MALRD1: variants seen among roughly 807,000 people sequenced by gnomAD.
MALRD1 encodes MAM and LDL receptor class A domain containing 1.
A neutral mutation model predicts 242.1 loss-of-function variants in MALRD1; 247 were observed. That is an observed-to-expected ratio of 1.02 (90% CI 0.92 to 1.13). The LOEUF (loss-of-function observed/expected upper bound fraction) is 1.13. MALRD1 is among the 50% of genes most tolerant of loss of function. MALRD1 has a pLI of 0.00. For missense variants in MALRD1, 2,989 were observed against 2,533.1 expected, an observed-to-expected ratio of 1.18 and a Z score of -3.86; for synonymous variants, 995 against 866.6, an observed-to-expected ratio of 1.15 and a Z score of -2.60.
chr10:19,534,608 T>C (rs1484307929), intron 32 of MALRD1, among the ~76,000 whole-genome samples: 2 of 152,088 alleles, frequency 1.3e-5, no homozygotes, highest in Non-Finnish European at 2.9e-5. Flanking sequence ...AAAAAACAAG[T>C]CCTTTTTCCC....
At chr10:19,157,235 T>C (rs746685271) in intron 12 of MALRD1, among the ~76,000 whole-genome samples, 11 of 151,840 alleles carry the variant, frequency 7.2e-5, no homozygotes, top group Non-Finnish European at 1.3e-4. Flanking sequence ...TTTAATAAGT[T>C]TGTGGCAATA....
chr10:19,652,666 C>T (rs917992268), intron 36 of MALRD1, among the ~76,000 whole-genome samples: 2 of 152,094 alleles, frequency 1.3e-5, no homozygotes, highest in African/African-American at 4.8e-5. Flanking sequence ...CACCTGTAAC[C>T]CCAACACCTA....
intron 9 of MALRD1, among the ~76,000 whole-genome samples, chr10:19,134,725 TAAACA>T (rs1338143177): frequency 6.6e-6 from 1 of 152,220 alleles, no homozygotes; most frequent in Non-Finnish European, 1.5e-5. Flanking sequence ...TCTCAGGTAC[TAAACA>T]AGTTTCTTTT....
rs558305830 is a variant in MALRD1 at position 19,450,491 on chromosome 10, G to T, written c.5029+1G>T. On this transcript the variant is annotated splice_donor_variant, in intron 29 of 39. Transcript: ENST00000454679. LOFTEE classifies it high-confidence loss of function. Reference sequence around the variant, plus strand: ...ATTGAATTTAAAAACTGCACAACTGGTAAGTTTCCAGAAAGCACTTCCATT... The same window carrying T: ...ATTGAATTTAAAAACTGCACAACTGTTAAGTTTCCAGAAAGCACTTCCATT... 3 of 1,540,150 alleles carry T rather than the reference G, an allele frequency of 1.9e-6. No homozygotes were observed. The highest frequency in any genetic ancestry group is 2.4e-5 in the South Asian group (2 of 81,898).
chr10:19,731,518 G>A lies in MALRD1; in HGVS notation c.6390+737G>A, dbSNP rs972938454. Among the ~76,000 whole-genome samples, 3 of 151,928 alleles carry A rather than the reference G, an allele frequency of 2.0e-5. 1 individual carries two copies. Among genetic ancestry groups the A allele is most frequent in the South Asian group, 4.1e-4 (2 of 4,822 alleles). On this transcript the variant is annotated intron_variant, in intron 39 of 39. Coordinates refer to ENST00000454679, the MANE Select transcript of MALRD1 (RefSeq NM_001142308.3). ...TGTGTGTGTGTGTGTGTGTGTGTGT[G>A]TGCTGAAAACATTTAGGATCTCTCT...
At chr10:19,522,053 T>C (rs1244480230) in intron 31 of MALRD1, among the ~76,000 whole-genome samples, 2 of 152,132 alleles carry the variant, frequency 1.3e-5, no homozygotes, top group Non-Finnish European at 2.9e-5. Context: ...CAACTATTCT[T>C]CTGAATGAGG....
chr10:19,393,904 A>G (rs1300466563), intron 28 of MALRD1, among the ~76,000 whole-genome samples: 1 of 152,204 alleles, frequency 6.6e-6, no homozygotes, highest in African/African-American at 2.4e-5. Context: ...AGACCTTTGC[A>G]TCTTTTCAAC....
At chr10:19,499,250 C>G (rs564718114) in intron 31 of MALRD1, among the ~76,000 whole-genome samples, 9 of 152,098 alleles carry the variant, frequency 5.9e-5, no homozygotes, top group African/African-American at 1.9e-4. Flanking sequence ...CAAAAAAGTC[C>G]TACTGACTCA....
intron 4 of MALRD1, among the ~76,000 whole-genome samples, chr10:19,088,607 C>G (rs1212094031): frequency 1.8e-4 from 12 of 66,828 alleles, no homozygotes; most frequent in African/African-American, 8.0e-4. Context: ...TTATTATACT[C>G]TAAGTTTTAG....
intron 32 of MALRD1, among the ~76,000 whole-genome samples, chr10:19,542,421 TTA>T (rs1283252953): frequency 1.3e-5 from 2 of 151,878 alleles, no homozygotes; most frequent in Non-Finnish European, 2.9e-5. Flanking sequence ...GTTTTAATAA[TTA>T]TATAATTTAT....
At chr10:19,310,001 T>C (rs1236121786) in intron 21 of MALRD1, among the ~76,000 whole-genome samples, 1 of 151,404 alleles carries the variant, frequency 6.6e-6, no homozygotes, top group East Asian at 2.0e-4. Context: ...GCTCCCACAG[T>C]GAGTCAGGGA....
chr10:19,554,781 C>G (rs1369757207), intron 32 of MALRD1, among the ~76,000 whole-genome samples: 1 of 152,068 alleles, frequency 6.6e-6, no homozygotes, highest in African/African-American at 2.4e-5. Context: ...ATTTTTTGTA[C>G]CACATTTTCT....
intron 32 of MALRD1, among the ~76,000 whole-genome samples, chr10:19,532,288 T>C (rs1834449271): frequency 6.6e-6 from 1 of 152,144 alleles, no homozygotes; most frequent in South Asian, 2.1e-4. Flanking sequence ...AGAGTCTTGC[T>C]CTGTCGCCCC....
intron 19 of MALRD1, among the ~76,000 whole-genome samples, chr10:19,270,886 G>A (rs949590765): frequency 6.6e-6 from 1 of 151,196 alleles, no homozygotes; most frequent in Non-Finnish European, 1.5e-5. Context: ...AGATTCTGCA[G>A]TTCAGACAAA....
intron 26 of MALRD1, among the ~76,000 whole-genome samples, chr10:19,375,770 T>G (rs962664563): frequency 2.6e-5 from 4 of 152,122 alleles, no homozygotes; most frequent in Non-Finnish European, 4.4e-5. Flanking sequence ...AAAAACAGAC[T>G]AGTTAATCCT....
Position 19,327,673 on chromosome 10 carries a change from G to A in MALRD1, c.3687G>A (p.Gln1229=), listed in dbSNP as rs1843194664. Residue 1229 remains glutamine (Q), a splice_region_variant and synonymous_variant, in exon 23 of 40, where the codon CAG becomes CAA. Transcript: ENST00000454679. The stretch of plus-strand genomic sequence containing the variant: ...TTTTAGGCATTCGTTCACATACACA[G>A]GTGTGTAATACAGGTAGTTATGGGG... ...EVFLGIRSHT[Q]IVFRAKRGIS... 1 of 1,545,610 alleles carries A rather than the reference G, an allele frequency of 6.5e-7. No homozygotes were observed. The highest frequency in any genetic ancestry group is 1.4e-5 in the African/African-American group (1 of 72,910).
At chr10:19,387,848 A>G (rs1334860416) in intron 27 of MALRD1, 75 bp downstream of exon 27, 9 of 1,483,056 alleles carry the variant, frequency 6.1e-6, no homozygotes, top group Middle Eastern at 1.8e-4. Flanking sequence ...TCTGATAGCA[A>G]CTGGGGAGCT....
intron 14 of MALRD1, among the ~76,000 whole-genome samples, chr10:19,195,037 T>G (rs1836174684): frequency 6.6e-6 from 1 of 150,550 alleles, no homozygotes; most frequent in Non-Finnish European, 1.5e-5. Context: ...TCCTTATCTG[T>G]CCTGCCCAGG....
At chr10:19,379,700 T>C (rs1434457669) in intron 26 of MALRD1, among the ~76,000 whole-genome samples, 2 of 152,186 alleles carry the variant, frequency 1.3e-5, no homozygotes, top group Non-Finnish European at 2.9e-5. Flanking sequence ...TGGCCTTTTA[T>C]ATGGTCCAGC....
Sources: gnomAD v4.1 joint callset for allele counts (sites outside exome capture counted in the v4.1 genomes callset) on GRCh38, gnomAD v4.1.1 for gene constraint, MANE v1.5 for transcripts, NCBI Gene and HGNC (gene_info 2026-07-23, HGNC 2026-07-21) for gene names.